The following USH2A variants were observed in gnomAD, a reference collection of about 807,000 sequenced individuals.
The protein encoded by USH2A is usherin.
In USH2A, 443 loss-of-function variants were observed where a neutral mutation model predicts 538.9. That is an observed-to-expected ratio of 0.82 (90% CI 0.76 to 0.89). The LOEUF (loss-of-function observed/expected upper bound fraction) is 0.89. USH2A is among the 40% of genes least tolerant of loss of function. The probability of loss-of-function intolerance (pLI) is 0.00; values close to 1 mark genes in which losing one functional copy is unlikely to be tolerated. For missense variants in USH2A, 6,633 were observed against 6,324.8 expected (o/e 1.05, Z -1.65); for synonymous variants, 2,413 against 2,273.5 (o/e 1.06, Z -1.75).
chr1:215,967,545 C>G (rs953375903), intron 36 of USH2A, among the ~76,000 whole-genome samples: 1 of 152,098 alleles, frequency 6.6e-6, no homozygotes, highest in African/African-American at 2.4e-5. Context: ...TACACCAACT[C>G]TCTTAAAGTA....
At chr1:215,903,790 A>G (rs1665563356) in intron 38 of USH2A, among the ~76,000 whole-genome samples, 1 of 152,128 alleles carries the variant, frequency 6.6e-6, no homozygotes, top group Non-Finnish European at 1.5e-5. Context: ...GGAGGCTTGA[A>G]GAAAGAGGAA....
intron 50 of USH2A, among the ~76,000 whole-genome samples, chr1:215,796,630 A>G (rs988885195): frequency 2.6e-5 from 4 of 152,094 alleles, no homozygotes; most frequent in Non-Finnish European, 4.4e-5. Flanking sequence ...TCTGAGGCAC[A>G]GCAATATTAA....
intron 10 of USH2A, among the ~76,000 whole-genome samples, chr1:216,290,838 A>G (rs750579936): frequency 4.6e-5 from 7 of 152,092 alleles, no homozygotes; most frequent in Non-Finnish European, 1.0e-4. Flanking sequence ...CCTACTGCTC[A>G]AGCTAGAATG....
chr1:216,204,064 A>G (rs1362584836), intron 16 of USH2A: 1 of 160,996 alleles, frequency 6.2e-6, no homozygotes, highest in Non-Finnish European at 1.5e-5. Flanking sequence ...GACTTTCATC[A>G]GTAATGAAGA....
At chr1:216,350,826 C>T (rs1206301233) in intron 4 of USH2A, among the ~76,000 whole-genome samples, 1 of 152,182 alleles carries the variant, frequency 6.6e-6, no homozygotes, top group Non-Finnish European at 1.5e-5. Flanking sequence ...CACAGTTCCA[C>T]AAGGCAATGT....
intron 36 of USH2A, 129 bp downstream of exon 36, chr1:215,970,496 A>G (rs1052776706): frequency 4.7e-5 from 56 of 1,184,606 alleles, no homozygotes; most frequent in African/African-American, 2.5e-4. Context: ...TTTTATAAAA[A>G]GAAAAATCTC....
chr1:215,792,341 A>G (rs1021130018), intron 50 of USH2A, among the ~76,000 whole-genome samples: 5 of 152,144 alleles, frequency 3.3e-5, no homozygotes, highest in Admixed American at 3.3e-4. Flanking sequence ...TTCAGCCAAG[A>G]TTTCACTCAC....
chr1:215,800,853 C>T (rs1662306531), intron 49 of USH2A, among the ~76,000 whole-genome samples: 1 of 151,874 alleles, frequency 6.6e-6, no homozygotes, highest in Non-Finnish European at 1.5e-5. Flanking sequence ...ATCAATAGCT[C>T]TCATGAATAT....
chr1:215,674,142 C>A lies in USH2A; in HGVS notation c.13769G>T (p.Gly4590Val), dbSNP rs1657913190. Residue 4590 changes from glycine (G) to valine (V), a missense_variant, in exon 63 of 72, where the codon GGT (glycine) becomes GTT (valine). By Grantham distance (109) the Gly-to-Val change is moderately radical. Transcript: ENST00000307340. Reference protein sequence around the residue: ...IHINTTHNSFGMQSYIVNQLK... With the variant: ...IHINTTHNSFVMQSYIVNQLK... ...CTGGTTTACTATATATGACTGCATA[C>A]CAAAAGAATTATGAGTTGTGTTTAT... is the stretch of plus-strand genomic sequence containing the variant. The A allele has an allele frequency of 4.3e-6, 7 of 1,613,952 alleles. No individual in the cohort carries two copies. The highest frequency in any genetic ancestry group is 1.3e-5 in the African/African-American group (1 of 74,888).
In USH2A at chr1:216,325,605, G is replaced by T. The variant is rs2037717255; in HGVS notation, c.849-6C>A. On this transcript the variant is annotated splice_polypyrimidine_tract_variant and splice_region_variant and intron_variant, in intron 5 of 71. Transcript: ENST00000307340. ...AGAAGACTTCCAGAATCTCTCTGTGGGAGTCAAGAGGGAGACTGTAAGGAC... is the reference window on the plus strand; with the variant it reads ...AGAAGACTTCCAGAATCTCTCTGTGTGAGTCAAGAGGGAGACTGTAAGGAC... 6.2e-7 allele frequency: 1 copy of T among 1,612,074 alleles called. No individual in the cohort carries two copies. Among genetic ancestry groups the T allele is most frequent in the Non-Finnish European group, 8.5e-7 (1 of 1,179,316 alleles).
chr1:215,699,144 C>A (rs1406213003), intron 61 of USH2A, among the ~76,000 whole-genome samples: 2 of 152,076 alleles, frequency 1.3e-5, no homozygotes, highest in Non-Finnish European at 2.9e-5. Flanking sequence ...TATGTTGTTA[C>A]TTCTGAGGCC....
intron 37 of USH2A, among the ~76,000 whole-genome samples, chr1:215,961,766 G>C (rs1295151478): frequency 6.6e-6 from 1 of 151,694 alleles, no homozygotes; most frequent in African/African-American, 2.4e-5. Context: ...GAACAATAAG[G>C]ATTATTCAGT....
chr1:215,675,223 A>G lies in USH2A; in HGVS notation c.12688T>C (p.Leu4230=). 6.2e-7 allele frequency: 1 copy of G among 1,614,172 alleles called. No homozygotes were observed. Among genetic ancestry groups the G allele is most frequent in the African/African-American group, 1.3e-5 (1 of 75,052 alleles). ...TATTCACACTGCGTCCATGGTTGCA[A>G]ACCTGTGTCATTATACATAAATGTA... The part of the protein sequence containing the change: ...RNTFMYNDTG[L]QPWTQCEYKI... Residue 4230 remains leucine, a synonymous_variant, in exon 63 of 72, where the codon TTG becomes CTG. Transcript: ENST00000307340.
chr1:215,792,838 A>C (rs996863218), intron 50 of USH2A, among the ~76,000 whole-genome samples: 11 of 152,222 alleles, frequency 7.2e-5, no homozygotes, highest in African/African-American at 2.4e-5. Flanking sequence ...AAAGAAAAAC[A>C]AAATAGGTCA....
chr1:216,335,915 A>C (rs550321025), intron 4 of USH2A, among the ~76,000 whole-genome samples: 1 of 151,748 alleles, frequency 6.6e-6, no homozygotes, highest in African/African-American at 2.4e-5. Context: ...ACACTCTCCA[A>C]ATTACTCTAT....
chr1:215,681,540 G>A (rs1658231312), intron 61 of USH2A, among the ~76,000 whole-genome samples: 1 of 152,136 alleles, frequency 6.6e-6, no homozygotes, highest in African/African-American at 2.4e-5. Flanking sequence ...ATAAAGTGGA[G>A]TAGTGAAAGT....
chr1:215,964,810 C>A (rs1218887273), intron 37 of USH2A, among the ~76,000 whole-genome samples: 3 of 152,130 alleles, frequency 2.0e-5, no homozygotes, highest in African/African-American at 7.2e-5. Context: ...CCCCATGTAG[C>A]CTAATCCACA....
intron 13 of USH2A, among the ~76,000 whole-genome samples, chr1:216,232,888 A>C (rs1205916415): frequency 6.6e-6 from 1 of 152,186 alleles, no homozygotes; most frequent in Non-Finnish European, 1.5e-5. Flanking sequence ...TATTACATCT[A>C]TTCTGTCAAT....
chr1:216,227,408 C>T (rs2035583743), intron 14 of USH2A, among the ~76,000 whole-genome samples: 1 of 152,094 alleles, frequency 6.6e-6, no homozygotes, highest in Non-Finnish European at 1.5e-5. Context: ...TTTCAGGGCT[C>T]ATAAAGCAGG....
Sources: allele counts gnomAD v4.1 joint callset (sites outside exome capture counted in the v4.1 genomes callset), GRCh38; gene constraint gnomAD v4.1.1; transcripts MANE v1.5; gene names NCBI Gene and HGNC (gene_info 2026-07-23, HGNC 2026-07-21).